The following GSK3B variants were observed in gnomAD, a reference collection of about 807,000 sequenced individuals.
The protein encoded by GSK3B is glycogen synthase kinase-3 beta.
In GSK3B, 15 loss-of-function variants were observed where a neutral mutation model predicts 56.4. The observed-to-expected ratio is 0.27, with a 90% CI of 0.18 to 0.41. The LOEUF is 0.41. Ranked by LOEUF, GSK3B falls within the 10% of genes least tolerant of loss-of-function variation. The probability of loss-of-function intolerance (pLI) is 1.00; values close to 1 mark genes in which losing one functional copy is unlikely to be tolerated. For synonymous variants in GSK3B, 181 were observed against 188.9 expected (o/e 0.96, Z 0.34); for missense variants, 300 against 513.4 (o/e 0.58, Z 4.02).
chr3:119,979,067 G>A (rs1386736135), intron 2 of GSK3B, among the ~76,000 whole-genome samples: 1 of 152,088 alleles, frequency 6.6e-6, no homozygotes, highest in Non-Finnish European at 1.5e-5. Context: ...TCATGACCTC[G>A]CCAAAGTTGG....
chr3:120,004,328 T>TG (rs2057706422), intron 1 of GSK3B, among the ~76,000 whole-genome samples: 1 of 152,312 alleles, frequency 6.6e-6, no homozygotes, highest in East Asian at 1.9e-4. Context: ...ATTCCACCTC[T>TG]GGGGGCAGGG....
chr3:119,966,526 C>T (rs564510941), intron 2 of GSK3B, among the ~76,000 whole-genome samples: 16 of 152,160 alleles, frequency 1.1e-4, no homozygotes, highest in African/African-American at 3.6e-4. Flanking sequence ...AATAAGAAAC[C>T]CTAGTACTGA....
chr3:119,847,137 C>T (rs1006890783), intron 9 of GSK3B, among the ~76,000 whole-genome samples: 7 of 150,340 alleles, frequency 4.7e-5, no homozygotes, highest in Admixed American at 1.3e-4. Flanking sequence ...GGGCCTGTTG[C>T]GGGGTAGGGG....
chr3:120,054,496 C>T (rs1164379657), intron 1 of GSK3B, among the ~76,000 whole-genome samples: 2 of 152,182 alleles, frequency 1.3e-5, no homozygotes, highest in African/African-American at 4.8e-5. Context: ...CAGGATTTAA[C>T]ATTTCAGATC....
intron 2 of GSK3B, among the ~76,000 whole-genome samples, chr3:119,999,559 G>T (rs1470489876): frequency 6.6e-6 from 1 of 152,128 alleles, no homozygotes; most frequent in Non-Finnish European, 1.5e-5. Flanking sequence ...CCAAAAAATG[G>T]AATGTGTGGG....
chr3:120,088,681 C>A (rs1287822824), intron 1 of GSK3B, among the ~76,000 whole-genome samples: 1 of 152,222 alleles, frequency 6.6e-6, no homozygotes, highest in Non-Finnish European at 1.5e-5. Flanking sequence ...AACATTCCAA[C>A]AAATTAATTT....
At chr3:120,028,624 A>G (rs907291442) in intron 1 of GSK3B, 1 of 310,216 alleles carries the variant, frequency 3.2e-6, no homozygotes, top group Admixed American at 3.5e-5. Context: ...TATGGAAAAC[A>G]TAACTCCCCC....
At chr3:120,015,307 G>A (rs762360525) in intron 1 of GSK3B, among the ~76,000 whole-genome samples, 1 of 152,078 alleles carries the variant, frequency 6.6e-6, no homozygotes, top group Non-Finnish European at 1.5e-5. Context: ...TTATCACAAT[G>A]CCCTATAATT....
rs559032692 is a variant in GSK3B, at chr3:120,056,690, T to G, written c.88+36657A>C. 2.6e-5 allele frequency among the ~76,000 whole-genome samples: 4 copies of G among 152,180 alleles called. No individual in the cohort carries two copies. In the South Asian group the frequency reaches 8.3e-4, roughly 32 times the overall value. ...ACTAAGGAGTCCTGAGAGCAAGAAG[T>G]TTAAACACTGCCAATTTATAGTTTG... On this transcript the variant is annotated intron_variant, in intron 1 of 10. Coordinates refer to ENST00000264235, the MANE Select transcript of GSK3B (RefSeq NM_001146156.2).
At chr3:119,922,974 T>C (rs1415221566) in intron 4 of GSK3B, among the ~76,000 whole-genome samples, 3 of 152,188 alleles carry the variant, frequency 2.0e-5, no homozygotes, top group African/African-American at 7.2e-5. Context: ...CTAAAAAATA[T>C]ATAAATGGCA....
At chr3:120,056,935 T>C (rs1429985069) in intron 1 of GSK3B, among the ~76,000 whole-genome samples, 1 of 152,028 alleles carries the variant, frequency 6.6e-6, no homozygotes, top group East Asian at 1.9e-4. Flanking sequence ...TGGAGGCCAG[T>C]AGCTCAAGAC....
At chr3:119,919,868 G>A (rs907200695) in intron 4 of GSK3B, among the ~76,000 whole-genome samples, 5 of 150,196 alleles carry the variant, frequency 3.3e-5, no homozygotes, top group South Asian at 4.2e-4. Context: ...ACACACACAC[G>A]AAAATATGGA....
At chr3:119,858,724 C>T (rs571783568) in intron 9 of GSK3B, among the ~76,000 whole-genome samples, 4 of 152,304 alleles carry the variant, frequency 2.6e-5, no homozygotes, top group South Asian at 2.1e-4. Flanking sequence ...GCTGTTGACA[C>T]ACTTTCCTCA....
At chr3:119,895,760 G>T (rs1327246497) in intron 7 of GSK3B, among the ~76,000 whole-genome samples, 2 of 152,012 alleles carry the variant, frequency 1.3e-5, no homozygotes, top group East Asian at 3.9e-4. Flanking sequence ...CTACTTAATT[G>T]ATCTGTATGG....
intron 2 of GSK3B, among the ~76,000 whole-genome samples, chr3:119,978,978 C>T (rs944714403): frequency 1.3e-5 from 2 of 152,196 alleles, no homozygotes; most frequent in Admixed American, 1.3e-4. Flanking sequence ...AAAACAGACA[C>T]CCTCGGCTTC....
intron 2 of GSK3B, among the ~76,000 whole-genome samples, chr3:119,998,689 C>T (rs967332871): frequency 1.3e-5 from 2 of 152,130 alleles, no homozygotes; most frequent in African/African-American, 4.8e-5. Flanking sequence ...CATGATGATT[C>T]AGACCATAAT....
intron 4 of GSK3B, among the ~76,000 whole-genome samples, chr3:119,922,687 TAC>T (rs1336677192): frequency 6.6e-6 from 1 of 151,896 alleles, no homozygotes; most frequent in South Asian, 2.1e-4. Context: ...TTTTATTTTC[TAC>T]AGTTATTTCC....
intron 9 of GSK3B, among the ~76,000 whole-genome samples, chr3:119,860,546 G>T (rs564134080): frequency 6.2e-4 from 94 of 152,276 alleles, no homozygotes; most frequent in African/African-American, 2.1e-3. Flanking sequence ...GTGATTACAT[G>T]AAAGTAATAC....
chr3:120,059,051 A>G (rs2058215852), intron 1 of GSK3B, among the ~76,000 whole-genome samples: 1 of 151,948 alleles, frequency 6.6e-6, no homozygotes, highest in Admixed American at 6.6e-5. Flanking sequence ...AGTGTAAGAT[A>G]TAATACTCAA....
Sources: allele counts gnomAD v4.1 joint callset (sites outside exome capture counted in the v4.1 genomes callset), GRCh38; gene constraint gnomAD v4.1.1; transcripts MANE v1.5; gene names NCBI Gene and HGNC (gene_info 2026-07-23, HGNC 2026-07-21).